Variants in HIVEP2 observed in about 807,000 individuals in gnomAD.
HIVEP2 encodes the protein transcription factor HIVEP2.
Under a neutral mutation model 180.7 loss-of-function variants are expected in HIVEP2, and 14 were observed. That is an observed-to-expected ratio of 0.08 (90% CI 0.05 to 0.12). HIVEP2 has a LOEUF of 0.12. HIVEP2 is among the 10% of genes least tolerant of loss of function. The pLI, the probability that HIVEP2 is intolerant of heterozygous loss-of-function variation, is 1.00. For synonymous variants in HIVEP2, 1,184 were observed against 1,136.4 expected (o/e 1.04, Z -0.84); for missense variants, 2,579 against 3,008.5 (o/e 0.86, Z 3.34).
At chr6:142,925,436 A>G (rs1777782763) in intron 1 of HIVEP2, among the ~76,000 whole-genome samples, 1 of 152,192 alleles carries the variant, frequency 6.6e-6, no homozygotes, top group Admixed American at 6.5e-5. Context: ...TGTGCATTTC[A>G]TAACCCATAA....
intron 1 of HIVEP2, among the ~76,000 whole-genome samples, chr6:142,856,598 C>T (rs183710833): frequency 1.2e-4 from 18 of 152,302 alleles, no homozygotes; most frequent in Admixed American, 7.8e-4. Context: ...AAAAGAGAAG[C>T]GTGAGTAATT....
At chr6:142,763,324 C>T (rs886984954) in intron 7 of HIVEP2, among the ~76,000 whole-genome samples, 2 of 152,060 alleles carry the variant, frequency 1.3e-5, no homozygotes, top group Non-Finnish European at 1.5e-5. Flanking sequence ...CATGCAAGGG[C>T]GTTCCATCTG....
intron 2 of HIVEP2, among the ~76,000 whole-genome samples, chr6:142,825,014 AT>A (rs1478427072): frequency 2.6e-5 from 4 of 152,192 alleles, no homozygotes; most frequent in Non-Finnish European, 5.9e-5. Context: ...ATTTTTGCTC[AT>A]GATCCATTTC....
chr6:142,790,744 T>A (rs999949425), intron 2 of HIVEP2, among the ~76,000 whole-genome samples: 1 of 152,214 alleles, frequency 6.6e-6, no homozygotes, highest in Non-Finnish European at 1.5e-5. Context: ...AAAATATGCA[T>A]TATATTCATA....
At chr6:142,866,285 C>A (rs1776136054) in intron 1 of HIVEP2, among the ~76,000 whole-genome samples, 1 of 152,150 alleles carries the variant, frequency 6.6e-6, no homozygotes, top group African/African-American at 2.4e-5. Flanking sequence ...TGTTGAGAAC[C>A]TAAATAAGTT....
In HIVEP2 at chr6:142,889,852, G is replaced by A. The variant is rs145012332; in HGVS notation, c.-640-52805C>T. The stretch of plus-strand genomic sequence containing the variant: ...ATCTATACTGTCTAACACTGTAGCC[G>A]CTGGCCATAAATGGCTCTTGACACT... On this transcript the variant is annotated intron_variant, in intron 1 of 9. Transcript: ENST00000367603. 3.0e-3 allele frequency among the ~76,000 whole-genome samples: 455 copies of A among 152,232 alleles called. 3 individuals are homozygous for A. Among genetic ancestry groups the A allele is most frequent in the African/African-American group, 0.01 (420 of 41,522 alleles).
chr6:142,887,116 A>G (rs1428684195), intron 1 of HIVEP2, among the ~76,000 whole-genome samples: 1 of 152,172 alleles, frequency 6.6e-6, no homozygotes, highest in African/African-American at 2.4e-5. Context: ...ACTCATAAAT[A>G]TTGTAAAGTT....
chr6:142,790,447 C>T (rs1006804264), intron 2 of HIVEP2, among the ~76,000 whole-genome samples: 1 of 151,988 alleles, frequency 6.6e-6, no homozygotes, highest in Non-Finnish European at 1.5e-5. Flanking sequence ...TACTCTTTAA[C>T]TAAATATTTG....
chr6:142,806,860 T>C (rs1482590030), intron 2 of HIVEP2, among the ~76,000 whole-genome samples: 6 of 152,158 alleles, frequency 3.9e-5, no homozygotes, highest in Non-Finnish European at 7.4e-5. Context: ...ATGAGGCTTC[T>C]AGTGGTTAAG....
chr6:142,846,997 A>G (rs1380351102), intron 1 of HIVEP2, among the ~76,000 whole-genome samples: 1 of 152,158 alleles, frequency 6.6e-6, no homozygotes, highest in Non-Finnish European at 1.5e-5. Context: ...CATGCTGTAA[A>G]CATGCTCATT....
At chr6:142,827,387 A>C (rs777921528) in intron 2 of HIVEP2, among the ~76,000 whole-genome samples, 2 of 152,232 alleles carry the variant, frequency 1.3e-5, no homozygotes, top group Admixed American at 6.5e-5. Flanking sequence ...TCCTGCTAGC[A>C]TATTGCACCC....
At chr6:142,913,833 G>A (rs1046536236) in intron 1 of HIVEP2, among the ~76,000 whole-genome samples, 9 of 152,106 alleles carry the variant, frequency 5.9e-5, no homozygotes, top group African/African-American at 1.7e-4. Context: ...TTTCTTCATC[G>A]TCAACATTCC....
intron 9 of HIVEP2, among the ~76,000 whole-genome samples, chr6:142,758,618 C>T (rs578007683): frequency 1.3e-5 from 2 of 152,202 alleles, no homozygotes; most frequent in East Asian, 1.9e-4. Context: ...TAAGTGCATG[C>T]TTTATTCATT....
chr6:142,815,223 G>T lies in HIVEP2; in HGVS notation c.-528+21712C>A, dbSNP rs188117344. On this transcript the variant is annotated intron_variant, in intron 2 of 9. Coordinates refer to ENST00000367603, the MANE Select transcript of HIVEP2 (RefSeq NM_006734.4). ...TTAAGTTTCCAATACTTGCTCTTTG[G>T]GGGGGACACATTCAAACTACAGCAA... Among the ~76,000 whole-genome samples, 423 of 152,180 alleles carry T rather than the reference G, an allele frequency of 2.8e-3. 5 individuals carry two copies. The highest frequency in any genetic ancestry group is 0.01 in the Middle Eastern group (3 of 294).
chr6:142,813,854 C>T (rs1776764105), intron 2 of HIVEP2, among the ~76,000 whole-genome samples: 2 of 151,944 alleles, frequency 1.3e-5, no homozygotes, highest in African/African-American at 4.8e-5. Flanking sequence ...GCATGAGCCA[C>T]CATGCCTGGC....
At chr6:142,800,423 T>A (rs1206926965) in intron 2 of HIVEP2, among the ~76,000 whole-genome samples, 1 of 152,160 alleles carries the variant, frequency 6.6e-6, no homozygotes, top group East Asian at 1.9e-4. Flanking sequence ...AATGGGTTCC[T>A]TTCCAAGCTA....
chr6:142,768,421 T>C lies in HIVEP2; in HGVS notation c.5303A>G (p.Lys1768Arg). ...TTTAATTCGGATTGGCTCAGTTTGT[T>C]TGGATCCAATATCTTTATCTCCATG... ...DIHGDKDIGS[K>R]QTEPIRIKIF... Residue 1768 changes from lysine to arginine, a missense_variant, in exon 6 of 10, where the codon AAA (lysine) becomes AGA (arginine). Physicochemically the swap from Lys to Arg is conservative, Grantham distance 26. Around this residue, in one of 11 missense-constraint regions of HIVEP2, gnomAD observed 349 missense variants for 367.2 expected, o/e 0.95. Coordinates refer to ENST00000367603, the MANE Select transcript of HIVEP2 (RefSeq NM_006734.4). The C allele has an allele frequency of 6.2e-7, 1 of 1,612,610 alleles. No individual in the cohort carries two copies.
chr6:142,793,651 T>TTTTTTTG, intron 2 of HIVEP2, among the ~76,000 whole-genome samples: 1 of 71,586 alleles, frequency 1.4e-5, no homozygotes, highest in Non-Finnish European at 2.9e-5. Context: ...TTTCTTTCTT[T>TTTTTTTG]CTTTCTTTTT....
Position 142,753,854 on chromosome 6 carries a change from G to A in HIVEP2, c.6594C>T (p.Gly2198=). 6.2e-7 allele frequency: 1 copy of A among 1,613,648 alleles called. No homozygotes were observed. The highest frequency in any genetic ancestry group is 8.5e-7 in the Non-Finnish European group (1 of 1,179,554). The change falls in exon 10 of 10, where the codon GGC becomes GGT. Residue 2198 remains glycine, a synonymous_variant. Transcript: ENST00000367603. The stretch of plus-strand genomic sequence containing the variant: ...TAGGACCCTCAGGGAAAAGGCTGGA[G>A]CCTGGATGTTCATAAGCACCTTCTT... ...GDQEGAYEHP[G]SSLFPEGPND...
Sources: allele counts gnomAD v4.1 joint callset (sites outside exome capture counted in the v4.1 genomes callset), GRCh38; gene constraint gnomAD v4.1.1; regional missense constraint gnomAD v4.1.1; transcripts MANE v1.5; gene names NCBI Gene and HGNC (gene_info 2026-07-23, HGNC 2026-07-21).